The following LPIN1 variants were observed in gnomAD, a reference collection of about 807,000 sequenced individuals.
The protein encoded by LPIN1 is lipin 1.
A neutral mutation model predicts 107.5 loss-of-function variants in LPIN1; 71 were observed. The observed-to-expected ratio is 0.66, with a 90% confidence interval of 0.55 to 0.80. LPIN1 has a LOEUF of 0.80. Among genes scored for constraint, LPIN1 ranks in the 30% least tolerant of loss-of-function variants. LPIN1 has a pLI of 0.00. For synonymous variants in LPIN1, 445 were observed against 452.6 expected (o/e 0.98, Z 0.21); for missense variants, 1,043 against 1,160.6 (o/e 0.90, Z 1.47).
chr2:11,738,565 A>G (rs563506556), intron 1 of LPIN1, among the ~76,000 whole-genome samples: 171 of 149,674 alleles, frequency 1.1e-3, no homozygotes, highest in South Asian at 3.9e-3. Context: ...CTGGACAAGT[A>G]TGTGAAACAA....
chr2:11,703,459 C>A (rs937198870), intron 1 of LPIN1, among the ~76,000 whole-genome samples: 2 of 152,168 alleles, frequency 1.3e-5, no homozygotes, highest in Non-Finnish European at 2.9e-5. Flanking sequence ...CTTGTATAGA[C>A]ACATATACAT....
At chr2:11,729,244 C>T (rs939724583) in intron 1 of LPIN1, among the ~76,000 whole-genome samples, 6 of 152,168 alleles carry the variant, frequency 3.9e-5, no homozygotes, top group Non-Finnish European at 5.9e-5. Context: ...CAGCAAACCA[C>T]CATGGCACAT....
rs764196018 is a variant in LPIN1 at position 11,765,681 on chromosome 2, C to A, written c.140C>A (p.Pro47His). 3.7e-6 allele frequency: 6 copies of A among 1,613,726 alleles called. No individual in the cohort carries two copies. In the African/African-American group the frequency reaches 8.0e-5, roughly 22 times the overall value. ...RQPNGNLQCS[P>H]FHVRFGKMGV... ...CCCAATGGAAACCTCCAATGCTCCC[C>A]TTTCCACGTCCGCTTTGGGAAGATG... Residue 47 changes from proline (P) to histidine (H), a missense_variant, in exon 2 of 21, where the codon CCT becomes CAT. By Grantham distance (77) the Pro-to-His change is moderately conservative (BLOSUM62 -2). Coordinates refer to ENST00000674199, the MANE Select transcript of LPIN1 (RefSeq NM_001349206.2). The surrounding 1 kb of genome is among the most constrained non-coding windows in gnomAD (Gnocchi z 4.4).
chr2:11,679,019 G>A (rs981327084), intron 1 of LPIN1, among the ~76,000 whole-genome samples: 22 of 152,306 alleles, frequency 1.4e-4, no homozygotes, highest in African/African-American at 2.2e-4. Context: ...AAGTTTGCCC[G>A]GTGCTGACTG....
At chr2:11,782,751 G>T (rs1394646299) in intron 8 of LPIN1, among the ~76,000 whole-genome samples, 2 of 152,166 alleles carry the variant, frequency 1.3e-5, no homozygotes, top group Non-Finnish European at 2.9e-5. Flanking sequence ...GAGGCTGCTC[G>T]CTGAGACCTG....
intron 14 of LPIN1, among the ~76,000 whole-genome samples, chr2:11,795,977 C>T (rs1004369975): frequency 1.3e-5 from 2 of 152,206 alleles, no homozygotes; most frequent in Non-Finnish European, 1.5e-5. Context: ...TTTGATGATA[C>T]TGATCCGTAT....
intron 18 of LPIN1, chr2:11,816,319 T>A (rs372603259): frequency 1.3e-5 from 2 of 152,220 alleles, no homozygotes; most frequent in South Asian, 4.1e-4. Context: ...ATAACAGCAC[T>A]GATCTCAATA....
chr2:11,787,387 C>CTTTTGTTTTTTTT (rs1674778008), intron 11 of LPIN1, among the ~76,000 whole-genome samples: 1 of 131,620 alleles, frequency 7.6e-6, no homozygotes, highest in Non-Finnish European at 1.5e-5. Context: ...GTTTTCTTTT[C>CTTTTGTTTTTTTT]TTTTCTTTTT....
intron 13 of LPIN1, among the ~76,000 whole-genome samples, chr2:11,794,170 T>C (rs1365954598): frequency 6.6e-6 from 1 of 152,230 alleles, no homozygotes; most frequent in Non-Finnish European, 1.5e-5. Context: ...TGAGTTCAAA[T>C]ATATATGCTT....
At chr2:11,698,201 C>T (rs1342528611) in intron 1 of LPIN1, among the ~76,000 whole-genome samples, 1 of 152,220 alleles carries the variant, frequency 6.6e-6, no homozygotes, top group Non-Finnish European at 1.5e-5. Context: ...CTCAGGCTGT[C>T]TGTTCTCCCC....
chr2:11,710,529 C>T (rs1343055841), intron 1 of LPIN1, among the ~76,000 whole-genome samples: 1 of 152,078 alleles, frequency 6.6e-6, no homozygotes, highest in Non-Finnish European at 1.5e-5. Flanking sequence ...TGAAGATGCT[C>T]ACCTACTTCT....
At chr2:11,823,623 G>C (rs1681940807) in intron 20 of LPIN1, among the ~76,000 whole-genome samples, 1 of 152,194 alleles carries the variant, frequency 6.6e-6, no homozygotes, top group Non-Finnish European at 1.5e-5. Flanking sequence ...TTTGGAACTA[G>C]ACAGTGATCA....
chr2:11,684,931 C>A (rs565201122), intron 1 of LPIN1, among the ~76,000 whole-genome samples: 1 of 117,664 alleles, frequency 8.5e-6, no homozygotes, highest in African/African-American at 2.7e-5. Context: ...GGAAATGAGC[C>A]GTGAATAAAA....
chr2:11,744,829 AC>A (rs1023630596), upstream of LPIN1, among the ~76,000 whole-genome samples: 1 of 151,262 alleles, frequency 6.6e-6, no homozygotes, highest in African/African-American at 2.4e-5. Flanking sequence ...TGCACTTGAA[AC>A]TCTGGTCTCT....
At chr2:11,684,385 C>T (rs1661888915) in intron 1 of LPIN1, among the ~76,000 whole-genome samples, 2 of 152,082 alleles carry the variant, frequency 1.3e-5, no homozygotes, top group African/African-American at 4.8e-5. Context: ...TCTATGTTGC[C>T]CAAACTGATC....
At chr2:11,690,910 T>C (rs1662235743) in intron 1 of LPIN1, among the ~76,000 whole-genome samples, 1 of 152,254 alleles carries the variant, frequency 6.6e-6, no homozygotes, top group East Asian at 1.9e-4. Context: ...TCTCAATTAT[T>C]CTCATTTAAC....
chr2:11,787,018 T>A (rs1198555949), intron 10 of LPIN1, 56 bp from the exon 11 acceptor site: 1 of 1,252,260 alleles, frequency 8.0e-7, no homozygotes, highest in Non-Finnish European at 1.2e-6. Context: ...GTAGGCCTAA[T>A]TTTGAACTGA....
intron 2 of LPIN1, 85 bp from the exon 3 acceptor site, chr2:11,767,678 A>G (rs1671142218): frequency 2.4e-6 from 2 of 827,048 alleles, no homozygotes; most frequent in South Asian, 1.3e-5. Context: ...ATGATAGCGT[A>G]TCTGTGGAGA....
intron 1 of LPIN1, among the ~76,000 whole-genome samples, chr2:11,705,940 A>G (rs1663104553): frequency 6.6e-6 from 1 of 152,094 alleles, no homozygotes; most frequent in South Asian, 2.1e-4. Flanking sequence ...GAGGTAATTG[A>G]ATTATGGGGG....
Sources: allele counts gnomAD v4.1 joint callset (sites outside exome capture counted in the v4.1 genomes callset), GRCh38; gene constraint gnomAD v4.1.1; non-coding constraint Gnocchi (gnomAD v3.1); transcripts MANE v1.5; gene names NCBI Gene and HGNC (gene_info 2026-07-23, HGNC 2026-07-21).